Variants in PCDHGB1 observed in about 807,000 individuals in gnomAD.
PCDHGB1 encodes the protein protocadherin gamma-B1.
PCDHGB1 carries 34 observed loss-of-function variants against 56.6 expected under a neutral mutation model. The observed-to-expected ratio is 0.60, with a 90% confidence interval of 0.46 to 0.80. The LOEUF is 0.80. Among genes scored for constraint, PCDHGB1 ranks in the 30% least tolerant of loss-of-function variants. PCDHGB1 has a pLI of 0.00. For synonymous variants in PCDHGB1, 561 were observed against 505.9 expected (o/e 1.11, Z -1.46); for missense variants, 1,278 against 1,204.6 (o/e 1.06, Z -0.90).
At chr5:141,415,738 AGGTTTTT>A in intron 1 of PCDHGB1, 2 of 538,082 alleles carry the variant, frequency 3.7e-6, no homozygotes, top group Non-Finnish European at 5.4e-6. Flanking sequence ...ATGTTTATTA[AGGTTTTT>A]TTTTTTTTTT....
At chr5:141,441,308 C>T (rs984341964) in intron 1 of PCDHGB1, 2 of 152,164 alleles carry the variant, frequency 1.3e-5, no homozygotes, top group African/African-American at 2.4e-5. Flanking sequence ...TAAGAAAATG[C>T]ACCTTGAGAA....
intron 1 of PCDHGB1, chr5:141,397,910 C>G (rs1016162515): frequency 1.3e-5 from 9 of 680,688 alleles, no homozygotes; most frequent in Non-Finnish European, 2.2e-5. Flanking sequence ...GCTTGGCGCT[C>G]CAGATCTCCT....
At chr5:141,371,220 G>T in intron 1 of PCDHGB1, 2 of 1,613,994 alleles carry the variant, frequency 1.2e-6, no homozygotes, top group Non-Finnish European at 1.7e-6. Flanking sequence ...CATCAATGCC[G>T]AAATCATCTA....
chr5:141,382,962 G>T (rs1259468425), intron 1 of PCDHGB1: 2 of 1,607,858 alleles, frequency 1.2e-6, no homozygotes, highest in Non-Finnish European at 1.7e-6. Flanking sequence ...TCCTCCTGGG[G>T]ACCCCCTGGG....
chr5:141,361,227 A>G, intron 1 of PCDHGB1: 2 of 1,614,022 alleles, frequency 1.2e-6, no homozygotes, highest in South Asian at 2.2e-5. Flanking sequence ...CACCAGGAAC[A>G]GTGATCGCCT....
At position 141,449,274 on chromosome 5, in the gene PCDHGB1, T is replaced by C. The variant is rs569352843; in HGVS notation, c.2410-45533T>C. 3.9e-5 allele frequency among the ~76,000 whole-genome samples: 6 copies of C among 152,260 alleles called. No individual in the cohort carries two copies. In the East Asian group the frequency reaches 1.2e-3, roughly 29 times the overall value. On this transcript the variant is annotated intron_variant, in intron 1 of 3. Transcript: ENST00000523390. ...GAATTGTACAAAGAACTGTATCTCC[T>C]TCACCCGGATGCACCGGGTGAATTA...
At chr5:141,383,538 A>G in intron 1 of PCDHGB1, 1 of 1,612,704 alleles carries the variant, frequency 6.2e-7, no homozygotes, top group African/African-American at 1.3e-5. Context: ...TGGTCCTCAC[A>G]GCCTCTGATG....
intron 1 of PCDHGB1, among the ~76,000 whole-genome samples, chr5:141,462,288 G>A (rs1239615759): frequency 3.9e-5 from 6 of 152,196 alleles, no homozygotes; most frequent in Non-Finnish European, 7.3e-5. Flanking sequence ...CACCAAATAT[G>A]TAAGTATTAC....
At chr5:141,422,881 T>G in intron 1 of PCDHGB1, 1 of 1,614,214 alleles carries the variant, frequency 6.2e-7, no homozygotes, top group East Asian at 2.2e-5. Flanking sequence ...GCTGAGCCTG[T>G]TCGTGCTGGA....
intron 1 of PCDHGB1, chr5:141,400,271 C>G: frequency 1.2e-6 from 2 of 1,614,094 alleles, no homozygotes; most frequent in Non-Finnish European, 1.7e-6. Flanking sequence ...CGACGCTCCT[C>G]CAGCCCTGCC....
Position 141,491,763 on chromosome 5 carries a change from T to A in PCDHGB1, c.2410-3044T>A. 1 of 1,570,222 alleles carries A rather than the reference T, an allele frequency of 6.4e-7. No individual in the cohort carries two copies. The highest frequency in any genetic ancestry group is 8.6e-7 in the Non-Finnish European group (1 of 1,159,286). On this transcript the variant is annotated intron_variant, in intron 1 of 3. Transcript: ENST00000523390. This position sits in a 1 kb window ranked among gnomAD's most constrained non-coding sequence, Gnocchi z 6.9. ...GCGGCACTGGAGAAGCCGCCCGTCC[T>A]CATAAGGGATTGAACTTGCATCCAC... is the stretch of plus-strand genomic sequence containing the variant.
At chr5:141,390,867 CGTGTGTGTGT>C (rs61319619) in intron 1 of PCDHGB1, 1 of 151,040 alleles carries the variant, frequency 6.6e-6, no homozygotes, top group African/African-American at 2.5e-5. Context: ...GCTGTGTGTG[CGTGTGTGTGT>C]GTGTGTGTGT....
chr5:141,370,717 T>C, intron 1 of PCDHGB1: 4 of 1,613,822 alleles, frequency 2.5e-6, no homozygotes, highest in Non-Finnish European at 3.4e-6. Flanking sequence ...GAATTTGAAA[T>C]GGTTGCTGAA....
intron 1 of PCDHGB1, chr5:141,428,374 C>G: frequency 1.9e-6 from 1 of 530,640 alleles, no homozygotes; most frequent in South Asian, 1.9e-5. Context: ...CTTGCACCTG[C>G]GATGCTCTTC....
intron 1 of PCDHGB1, chr5:141,376,743 G>A (rs894394205): frequency 9.7e-5 from 48 of 493,300 alleles, no homozygotes; most frequent in Non-Finnish European, 1.5e-4. Flanking sequence ...GCGGACTGCA[G>A]TGGCGCAATC....
intron 1 of PCDHGB1, chr5:141,398,508 T>C: frequency 6.2e-7 from 1 of 1,601,476 alleles, no homozygotes; most frequent in Admixed American, 1.7e-5. Context: ...AGGACATTAA[T>C]GACCACACGC....
chr5:141,413,639 G>A (rs893578830), intron 1 of PCDHGB1: 2 of 1,613,854 alleles, frequency 1.2e-6, no homozygotes, highest in Non-Finnish European at 1.7e-6. Context: ...GCGGGAATGC[G>A]TTTTCCTCTC....
At chr5:141,396,645 A>G (rs1224275677) in intron 1 of PCDHGB1, 1 of 152,172 alleles carries the variant, frequency 6.6e-6, no homozygotes, top group Non-Finnish European at 1.5e-5. Context: ...TAATATTAAT[A>G]GTAAAAACTC....
chr5:141,428,173 C>G, intron 1 of PCDHGB1: 1 of 1,514,730 alleles, frequency 6.6e-7, no homozygotes. Context: ...CTGTGCGTGA[C>G]GGAGGACAGC....
Sources: allele counts gnomAD v4.1 joint callset (sites outside exome capture counted in the v4.1 genomes callset), GRCh38; gene constraint gnomAD v4.1.1; non-coding constraint Gnocchi (gnomAD v3.1); transcripts MANE v1.5; gene names NCBI Gene and HGNC (gene_info 2026-07-23, HGNC 2026-07-21).